THSD7B: variants seen among roughly 807,000 people sequenced by gnomAD.
THSD7B encodes thrombospondin type 1 domain containing 7B.
A neutral mutation model predicts 213.6 loss-of-function variants in THSD7B; 138 were observed. The ratio of observed to expected loss-of-function variants is 0.65; its 90% CI spans 0.56 to 0.74. The LOEUF (loss-of-function observed/expected upper bound fraction) is 0.74, where lower values mean the gene tolerates loss of function less well. THSD7B is among the 30% of genes least tolerant of loss of function. The pLI, the probability that THSD7B is intolerant of heterozygous loss-of-function variation, is 0.00. For synonymous variants in THSD7B, 742 were observed against 687.0 expected, an observed-to-expected ratio of 1.08 and a Z score of -1.25; for missense variants, 1,931 against 1,991.5, an observed-to-expected ratio of 0.97 and a Z score of 0.58.
intron 7 of THSD7B, among the ~76,000 whole-genome samples, chr2:137,193,886 G>A (rs1284497122): frequency 2.7e-5 from 4 of 150,844 alleles, no homozygotes; most frequent in Non-Finnish European, 5.9e-5. Flanking sequence ...TAATTCTCCT[G>A]ACTCTGGACT....
At chr2:136,956,985 G>A (rs980508380) in intron 2 of THSD7B, among the ~76,000 whole-genome samples, 2 of 152,036 alleles carry the variant, frequency 1.3e-5, no homozygotes, top group Admixed American at 1.3e-4. Flanking sequence ...GCCCCCATAA[G>A]AATTTTATTA....
At chr2:137,025,423 A>G (rs1310164678) in intron 2 of THSD7B, among the ~76,000 whole-genome samples, 1 of 151,782 alleles carries the variant, frequency 6.6e-6, no homozygotes, top group Non-Finnish European at 1.5e-5. Flanking sequence ...ACTCTGTTTT[A>G]TTTTCTTCCT....
rs746716172 is a variant in THSD7B at position 137,231,031 on chromosome 2, T to G, written c.1724-13T>G. The G allele has an allele frequency of 6.2e-7, 1 of 1,611,470 alleles. No individual in the cohort carries two copies. The highest frequency in any genetic ancestry group is 8.5e-7 in the Non-Finnish European group (1 of 1,178,870). ...GCATTAATCACCAACTGTCTTGATC[T>G]TGTTGATTGTAGGAGAAGATGTATC... On this transcript the variant is annotated splice_polypyrimidine_tract_variant and intron_variant, in intron 7 of 27. Transcript: ENST00000409968.
At chr2:136,865,695 T>C (rs1361411374) in intron 1 of THSD7B, among the ~76,000 whole-genome samples, 1 of 152,214 alleles carries the variant, frequency 6.6e-6, no homozygotes, top group Non-Finnish European at 1.5e-5. Context: ...ATAGCATGTG[T>C]TGAAAATTGT....
Position 136,790,401 on chromosome 2 carries a change from T to TA in THSD7B, c.-36+24720dup, listed in dbSNP as rs554557853. On this transcript the variant is annotated intron_variant, in intron 1 of 27. Transcript: ENST00000409968. The stretch of plus-strand genomic sequence containing the variant: ...ATTAAAAACCTAGATTTCAATTCTA[T>TA]AAAAAATCACATTTGTTCATCAAAG... Among the ~76,000 whole-genome samples, 17 of 152,180 alleles carry TA rather than the reference T, an allele frequency of 1.1e-4. No homozygotes were observed. In the South Asian group the frequency reaches 3.3e-3, roughly 30 times the overall value.
At chr2:137,394,243 A>G (rs1296754204) in intron 12 of THSD7B, among the ~76,000 whole-genome samples, 3 of 103,504 alleles carry the variant, frequency 2.9e-5, no homozygotes, top group African/African-American at 1.0e-4. Context: ...GCCCATGCCT[A>G]TGTCCTGAAT....
chr2:137,666,598 A>G (rs1160849308), intron 26 of THSD7B, among the ~76,000 whole-genome samples: 1 of 145,204 alleles, frequency 6.9e-6, no homozygotes, highest in Non-Finnish European at 1.5e-5. Flanking sequence ...ACCTGTAGTT[A>G]ATTACATTCG....
intron 12 of THSD7B, among the ~76,000 whole-genome samples, chr2:137,361,390 T>C (rs113016351): frequency 0.028 from 4,206 of 152,244 alleles, 202 homozygotes; most frequent in African/African-American, 0.096. Context: ...CTTTGATGAG[T>C]TGACAGAAGT....
chr2:136,882,941 A>G (rs972317202), intron 2 of THSD7B, among the ~76,000 whole-genome samples: 1 of 152,164 alleles, frequency 6.6e-6, no homozygotes, highest in Non-Finnish European at 1.5e-5. Context: ...TTGGCTGTGA[A>G]AAAGATCTGT....
At chr2:137,443,533 A>G (rs1017571056) in intron 14 of THSD7B, among the ~76,000 whole-genome samples, 2 of 152,098 alleles carry the variant, frequency 1.3e-5, no homozygotes, top group African/African-American at 4.8e-5. Flanking sequence ...CCCAAATATG[A>G]ATTAATTAGA....
intron 10 of THSD7B, among the ~76,000 whole-genome samples, chr2:137,251,924 T>C (rs1175714097): frequency 6.6e-6 from 1 of 152,186 alleles, no homozygotes; most frequent in African/African-American, 2.4e-5. Flanking sequence ...GTTGTTTTAA[T>C]CAACTCTATT....
chr2:137,442,691 A>G (rs1484923196), intron 14 of THSD7B, among the ~76,000 whole-genome samples: 1 of 152,128 alleles, frequency 6.6e-6, no homozygotes, highest in Non-Finnish European at 1.5e-5. Flanking sequence ...GCTAAAACAA[A>G]TTATAAGATC....
At chr2:137,507,438 G>A (rs1298096702) in intron 15 of THSD7B, among the ~76,000 whole-genome samples, 3 of 152,152 alleles carry the variant, frequency 2.0e-5, no homozygotes, top group Admixed American at 6.5e-5. Flanking sequence ...GAAGTTTGAT[G>A]GAATAAGCTT....
intron 1 of THSD7B, among the ~76,000 whole-genome samples, chr2:136,880,005 A>G (rs1335629054): frequency 2.6e-5 from 4 of 152,174 alleles, no homozygotes; most frequent in Non-Finnish European, 5.9e-5. Flanking sequence ...AGACTCCTAC[A>G]CAATAATAAT....
intron 15 of THSD7B, among the ~76,000 whole-genome samples, chr2:137,491,845 A>G (rs531277835): frequency 1.3e-5 from 2 of 152,340 alleles, no homozygotes; most frequent in African/African-American, 4.8e-5. Context: ...AATTGTTCCT[A>G]GTTTAGTGTA....
intron 2 of THSD7B, among the ~76,000 whole-genome samples, chr2:136,887,101 C>T (rs1159095358): frequency 1.3e-5 from 2 of 152,142 alleles, no homozygotes; most frequent in South Asian, 2.1e-4. Flanking sequence ...ACAACATAAA[C>T]TTTACCATTT....
chr2:137,098,016 G>A (rs1441330102), intron 4 of THSD7B, among the ~76,000 whole-genome samples: 1 of 152,174 alleles, frequency 6.6e-6, no homozygotes, highest in Non-Finnish European at 1.5e-5. Context: ...GGAAAGCATA[G>A]AGGCTATGTA....
At chr2:136,963,817 G>T (rs7584424) in intron 2 of THSD7B, among the ~76,000 whole-genome samples, 59,366 of 152,046 alleles carry the variant, frequency 0.39, 13,116 homozygotes, top group East Asian at 0.66. Flanking sequence ...GAACTGGATC[G>T]TCTTGAATGT....
At chr2:137,243,169 T>A (rs1681951999) in intron 10 of THSD7B, among the ~76,000 whole-genome samples, 1 of 152,200 alleles carries the variant, frequency 6.6e-6, no homozygotes, top group Admixed American at 6.5e-5. Flanking sequence ...TAGGAGTATA[T>A]GCTAAAGTGA....
Sources: allele counts gnomAD v4.1 joint callset (sites outside exome capture counted in the v4.1 genomes callset), GRCh38; gene constraint gnomAD v4.1.1; transcripts MANE v1.5; gene names NCBI Gene and HGNC (gene_info 2026-07-23, HGNC 2026-07-21).